The following DEGS2 variants were observed in gnomAD, a reference collection of about 807,000 sequenced individuals.
DEGS2 encodes delta 4-desaturase, sphingolipid 2.
A neutral mutation model predicts 23.8 loss-of-function variants in DEGS2; 19 were observed. The observed-to-expected ratio is 0.80, with a 90% CI of 0.56 to 1.17. The LOEUF is 1.17. Ranked by LOEUF, DEGS2 falls within the 50% of genes most tolerant of loss-of-function variation. DEGS2 has a pLI of 0.00. For missense variants in DEGS2, 390 were observed against 459.5 expected, an observed-to-expected ratio of 0.85 and a Z score of 1.38; for synonymous variants, 218 against 213.7, an observed-to-expected ratio of 1.02 and a Z score of -0.18.
At chr14:100,163,616 T>C (rs771603056), upstream of DEGS2, among the ~76,000 whole-genome samples, 21 of 152,326 alleles carry the variant, frequency 1.4e-4, no homozygotes, top group Non-Finnish European at 2.6e-4. Flanking sequence ...GTTTCCTTCA[T>C]AGAAGTCATC....
chr14:100,153,316 GAGAT>G (rs1889607852), intron 1 of DEGS2, among the ~76,000 whole-genome samples: 1 of 151,482 alleles, frequency 6.6e-6, no homozygotes, highest in Non-Finnish European at 1.5e-5. Flanking sequence ...ATAGATGTGA[GAGAT>G]AGATACATAG....
At chr14:100,157,955 C>T (rs1352560000) in intron 1 of DEGS2, among the ~76,000 whole-genome samples, 4 of 151,720 alleles carry the variant, frequency 2.6e-5, no homozygotes, top group South Asian at 2.1e-4. Context: ...GGTGTGGTGG[C>T]GGGTGCCTGT....
At chr14:100,161,159 ATCAGAGCCTTCGCCCCTG>A (rs71113242), upstream of DEGS2, among the ~76,000 whole-genome samples, 35,543 of 152,134 alleles carry the variant, frequency 0.23, 5,182 homozygotes, top group South Asian at 0.39. Context: ...AGCTTCCAAA[ATCAGAGCCTTCGCCCCTG>A]TGTTGAACTC....
intron 1 of DEGS2, among the ~76,000 whole-genome samples, chr14:100,150,553 A>G (rs1889553592): frequency 6.6e-6 from 1 of 152,156 alleles, no homozygotes; most frequent in African/African-American, 2.4e-5. Flanking sequence ...TTTTGGGTGC[A>G]GGCAAGCATC....
At chr14:100,165,407 C>T in the DEGS2 span, among the ~76,000 whole-genome samples, 4 of 152,270 alleles carry the variant, frequency 2.6e-5, no homozygotes, top group Non-Finnish European at 2.9e-5. Flanking sequence ...CGACCCGCGC[C>T]GTGTGGCGCA....
chr14:100,159,960 G>T (rs936419773), upstream of DEGS2: 1 of 163,804 alleles, frequency 6.1e-6, no homozygotes, highest in African/African-American at 2.4e-5. Flanking sequence ...GCGGGCAGCC[G>T]TCGGGTTTTT....
chr14:100,148,269 C>G (rs1016463375), intron 2 of DEGS2, among the ~76,000 whole-genome samples: 1 of 152,252 alleles, frequency 6.6e-6, no homozygotes, highest in Non-Finnish European at 1.5e-5. Flanking sequence ...CACACAGACA[C>G]GTGCACACCC....
the DEGS2 span, among the ~76,000 whole-genome samples, chr14:100,165,575 C>A: frequency 1.8e-4 from 27 of 152,350 alleles, no homozygotes; most frequent in African/African-American, 6.3e-4. Context: ...ACTGGTTCCA[C>A]CGGGCGGCCG....
chr14:100,152,168 G>GGTGA, intron 1 of DEGS2, among the ~76,000 whole-genome samples: 1 of 152,348 alleles, frequency 6.6e-6, no homozygotes, highest in African/African-American at 2.4e-5. Flanking sequence ...GCAAGGCGAG[G>GGTGA]GTGAGATGAG....
chr14:100,162,537 G>A (rs564067429), upstream of DEGS2, among the ~76,000 whole-genome samples: 82 of 152,046 alleles, frequency 5.4e-4, no homozygotes, highest in Non-Finnish European at 9.9e-4. Context: ...CCAAAGTGCT[G>A]GGATCACAGG....
At chr14:100,166,697 C>G in the DEGS2 span, among the ~76,000 whole-genome samples, 1 of 152,050 alleles carries the variant, frequency 6.6e-6, no homozygotes, top group Non-Finnish European at 1.5e-5. Flanking sequence ...TAAGACGCCA[C>G]CTAAAGACAG....
intron 1 of DEGS2, among the ~76,000 whole-genome samples, chr14:100,154,369 AAAAG>A (rs1889623628): frequency 6.6e-6 from 1 of 151,644 alleles, no homozygotes; most frequent in Admixed American, 6.6e-5. Flanking sequence ...AAAAAAAAAA[AAAAG>A]AAAGAAAAAA....
chr14:100,152,990 G>A (rs1325576503), intron 1 of DEGS2, among the ~76,000 whole-genome samples: 1 of 152,120 alleles, frequency 6.6e-6, no homozygotes, highest in Non-Finnish European at 1.5e-5. Context: ...AGGCATGGTG[G>A]CTTACATTGT....
chr14:100,166,852 C>A, the DEGS2 span, among the ~76,000 whole-genome samples: 2,342 of 152,248 alleles, frequency 0.015, 51 homozygotes, highest in South Asian at 0.074. Flanking sequence ...GTCCGGGCGC[C>A]GTGGCTCACG....
chr14:100,156,568 C>T (rs566926235), intron 1 of DEGS2, among the ~76,000 whole-genome samples: 1 of 152,332 alleles, frequency 6.6e-6, no homozygotes, highest in African/African-American at 2.4e-5. Flanking sequence ...TGTTTACAGA[C>T]TCACCCGTGG....
intron 1 of DEGS2, among the ~76,000 whole-genome samples, chr14:100,152,673 AC>A (rs1889592090): frequency 6.6e-6 from 1 of 151,796 alleles, no homozygotes; most frequent in African/African-American, 2.4e-5. Context: ...CTACACCAGC[AC>A]CCTCCACCCT....
At chr14:100,146,972 G>A (rs1229019843) in intron 2 of DEGS2, 65 bp from the exon 3 acceptor site, 22 of 1,560,180 alleles carry the variant, frequency 1.4e-5, no homozygotes, top group African/African-American at 2.7e-5. Context: ...GAGCACACAC[G>A]CAGACACCTG....
intron 2 of DEGS2, 127 bp downstream of exon 2, chr14:100,148,841 C>CT (rs1889505141): frequency 8.9e-7 from 1 of 1,127,686 alleles, no homozygotes; most frequent in African/African-American, 1.6e-5. Flanking sequence ...GTGCAAGTGG[C>CT]CATGCCATGA....
rs144199436 is a variant in DEGS2 at position 100,149,890 on chromosome 14, G to A, written c.83-180C>T. Among the ~76,000 whole-genome samples the A allele has an allele frequency of 3.6e-3, 555 of 152,354 alleles. 3 individuals are homozygous for A. The highest frequency in any genetic ancestry group is 0.013 in the African/African-American group (542 of 41,590). ...GGGCCCGCTGGCCCCCACCCTGGCCGAGCCTCATCCCACCAGACTCAGAGG... is the reference window on the plus strand; with the variant it reads ...GGGCCCGCTGGCCCCCACCCTGGCCAAGCCTCATCCCACCAGACTCAGAGG... On this transcript the variant is annotated intron_variant, in intron 1 of 2. Transcript: ENST00000305631.
Sources: allele counts gnomAD v4.1 joint callset (sites outside exome capture counted in the v4.1 genomes callset), GRCh38; gene constraint gnomAD v4.1.1; transcripts MANE v1.5; gene names NCBI Gene and HGNC (gene_info 2026-07-23, HGNC 2026-07-21).